The following NMD3 variants were observed in gnomAD, a reference collection of about 807,000 sequenced individuals.
NMD3 encodes NMD3 ribosome export adaptor.
NMD3 carries 47 observed loss-of-function variants against 73.1 expected under a neutral mutation model. That is an observed-to-expected ratio of 0.64 (90% CI 0.51 to 0.82). The LOEUF is 0.82. Ranked by LOEUF, NMD3 falls within the 40% of genes least tolerant of loss-of-function variation. NMD3 has a pLI of 0.00. For synonymous variants in NMD3, 210 were observed against 194.5 expected, an observed-to-expected ratio of 1.08 and a Z score of -0.66; for missense variants, 554 against 612.5, an observed-to-expected ratio of 0.90 and a Z score of 1.01.
intron 11 of NMD3, among the ~76,000 whole-genome samples, chr3:161,245,651 A>G (rs993494335): frequency 6.6e-6 from 1 of 151,638 alleles, no homozygotes; most frequent in African/African-American, 2.4e-5. Flanking sequence ...TTTTCTCTCG[A>G]TCTCACTTCA....
Position 161,222,036 on chromosome 3 carries a change from C to T in NMD3, c.23C>T (p.Thr8Ile), listed in dbSNP as rs747203842. 6.2e-7 allele frequency: 1 copy of T among 1,601,794 alleles called. No homozygotes were observed. Among genetic ancestry groups the T allele is most frequent in the Non-Finnish European group, 8.5e-7 (1 of 1,175,270 alleles). The change falls in exon 2 of 16, where the codon ACC (threonine) becomes ATC (isoleucine). Residue 8 changes from threonine to isoleucine, a missense_variant. Thr to Ile is a moderately conservative substitution (Grantham distance 89). Transcript: ENST00000351193. MEYMAES[T>I]DRSPGHILCC... ...ACGATGGAGTATATGGCAGAATCCA[C>T]CGACCGCAGCCCTGGACACATGTGA...
intron 8 of NMD3, 42 bp downstream of exon 8, chr3:161,238,233 G>T: frequency 8.3e-7 from 1 of 1,203,810 alleles, no homozygotes; most frequent in Non-Finnish European, 1.2e-6. Flanking sequence ...TAAGGACTTG[G>T]GAATGGATGC....
intron 7 of NMD3, among the ~76,000 whole-genome samples, chr3:161,237,783 C>T (rs1044186593): frequency 2.0e-5 from 3 of 152,132 alleles, no homozygotes; most frequent in Non-Finnish European, 2.9e-5. Context: ...CCAGCTCAGC[C>T]TCCCAAAGTG....
intron 2 of NMD3, 39 bp downstream of exon 2, chr3:161,222,096 A>G: frequency 6.4e-7 from 1 of 1,564,198 alleles, no homozygotes; most frequent in Non-Finnish European, 8.8e-7. Context: ...TAAATGTGAA[A>G]ATCTTCAGTG....
chr3:161,249,568 T>C lies in NMD3; in HGVS notation c.1310+8T>C. ...GGATACAGATGATGAAAGGTCTCGC[T>C]TTTCTTTAAATCTCTTATGTTGTCT... On this transcript the variant is annotated splice_region_variant and intron_variant, in intron 14 of 15. Coordinates refer to ENST00000351193, the MANE Select transcript of NMD3 (RefSeq NM_015938.5). 1.3e-6 allele frequency: 2 copies of C among 1,515,122 alleles called. No individual in the cohort carries two copies. The highest frequency in any genetic ancestry group is 1.8e-6 in the Non-Finnish European group (2 of 1,092,554). The allele number at this position is 1,515,122 out of a possible 1,614,324, so 93.9% of individuals were successfully genotyped here.
chr3:161,238,818 A>G lies in NMD3; in HGVS notation c.745A>G (p.Ile249Val), dbSNP rs773398692. ...CACTTTTTCTGTGGAAATTGTTCCA[A>G]TATGCAAGGTACTTTTCTTTTTCAT... Reference protein sequence around the residue: ...KSTFSVEIVPICKDNVVCLSP... With the variant: ...KSTFSVEIVPVCKDNVVCLSP... The change falls in exon 9 of 16, where the codon ATA becomes GTA. Residue 249 changes from isoleucine to valine, a missense_variant. Transcript: ENST00000351193. 5.4e-6 allele frequency: 8 copies of G among 1,472,776 alleles called. No homozygotes were observed. The highest frequency in any genetic ancestry group is 7.5e-6 in the Non-Finnish European group (8 of 1,061,664). The allele number at this position is 1,472,776 out of a possible 1,614,324, so 91.2% of individuals were successfully genotyped here.
chr3:161,240,526 A>ATTTTTTTTTTTTTT lies in NMD3; in HGVS notation c.754-517_754-504dup, dbSNP rs539406360. Among the ~76,000 whole-genome samples, 80 of 111,688 alleles carry ATTTTTTTTTTTTTT rather than the reference A, an allele frequency of 7.2e-4. 3 individuals are homozygous for ATTTTTTTTTTTTTT. Among genetic ancestry groups the ATTTTTTTTTTTTTT allele is most frequent in the African/African-American group, 1.8e-3 (47 of 26,380 alleles). The allele number at this position is 111,688 out of a possible 152,430, so 73.3% of individuals were successfully genotyped here. On this transcript the variant is annotated intron_variant, in intron 9 of 15. Transcript: ENST00000351193. ...AATAGCTTGGTGATTTGGGCCCTGG[A>ATTTTTTTTTTTTTT]TTTTTTTTTTTTTTTTGAGAGACAG...
rs147367614 is a variant in NMD3 at position 161,222,512 on chromosome 3, TGTA to T, written c.44+459_44+461del. 1.1e-4 allele frequency among the ~76,000 whole-genome samples: 17 copies of T among 152,278 alleles called. No homozygotes were observed. In the East Asian group the frequency reaches 2.3e-3, roughly 21 times the overall value. On this transcript the variant is annotated intron_variant, in intron 2 of 15. Coordinates refer to ENST00000351193, the MANE Select transcript of NMD3 (RefSeq NM_015938.5). ...TCCTGATTTTTATTGGAGATTATAA[TGTA>T]GTAATTTTTAAATTTTGAACATCTT...
chr3:161,239,073 G>A (rs996287276), intron 9 of NMD3, among the ~76,000 whole-genome samples: 12 of 152,004 alleles, frequency 7.9e-5, no homozygotes, highest in African/African-American at 2.7e-4. Context: ...GGTTATAGTT[G>A]ATAAAAGTCC....
intron 3 of NMD3, among the ~76,000 whole-genome samples, chr3:161,226,133 A>C (rs777782866): frequency 6.6e-6 from 1 of 151,994 alleles, no homozygotes; most frequent in South Asian, 2.1e-4. Flanking sequence ...TTATTAGGTG[A>C]TATGTGAAGC....
intron 9 of NMD3, 122 bp downstream of exon 9, chr3:161,238,948 T>G: frequency 1.9e-6 from 1 of 539,466 alleles, no homozygotes; most frequent in Non-Finnish European, 3.3e-6. Flanking sequence ...ATAAGTTCCT[T>G]AAGTGACTTC....
intron 7 of NMD3, among the ~76,000 whole-genome samples, chr3:161,236,732 A>G (rs1412395534): frequency 6.6e-6 from 1 of 152,078 alleles, no homozygotes; most frequent in Non-Finnish European, 1.5e-5. Context: ...TCTTGAGTTA[A>G]TTTTTGTGCA....
Position 161,246,397 on chromosome 3 carries a change from T to G in NMD3, c.1079T>G (p.Phe360Cys), listed in dbSNP as rs781751261. The change falls in exon 12 of 16, where the codon TTT becomes TGT. Residue 360 changes from phenylalanine (F) to cysteine (C), a missense_variant. Coordinates refer to ENST00000351193, the MANE Select transcript of NMD3 (RefSeq NM_015938.5). ...GAAATGAATACAGATAAACAGTATT[T>G]TTGTCGTACTCATTTGGGACATCTT... ...TSEMNTDKQYFCRTHLGHLLN... is the reference protein window; with the variant it reads ...TSEMNTDKQYCCRTHLGHLLN... The G allele has an allele frequency of 5.7e-5, 87 of 1,528,882 alleles. No homozygotes were observed. Among genetic ancestry groups the G allele is most frequent in the Non-Finnish European group, 7.6e-5 (85 of 1,120,754 alleles). The allele number at this position is 1,528,882 out of a possible 1,614,324, so 94.7% of individuals were successfully genotyped here.
At chr3:161,231,100 C>T (rs1319865338) in intron 4 of NMD3, among the ~76,000 whole-genome samples, 2 of 152,142 alleles carry the variant, frequency 1.3e-5, no homozygotes, top group East Asian at 1.9e-4. Context: ...ATAATTTAGC[C>T]TAGTGGCTAA....
At chr3:161,243,843 G>A (rs1229643852) in intron 11 of NMD3, among the ~76,000 whole-genome samples, 1 of 152,160 alleles carries the variant, frequency 6.6e-6, no homozygotes, top group African/African-American at 2.4e-5. Context: ...GTGATAGTCA[G>A]ATTCCTCCAT....
At position 161,227,307 on chromosome 3, in the gene NMD3, T is replaced by A. The variant is rs1218721847; in HGVS notation, c.240T>A (p.Ala80=). 1 of 1,612,832 alleles carries A rather than the reference T, an allele frequency of 6.2e-7. No individual in the cohort carries two copies. The highest frequency in any genetic ancestry group is 1.3e-5 in the African/African-American group (1 of 74,700). The change falls in exon 4 of 16, where the codon GCT becomes GCA. Residue 80 remains alanine (A), a synonymous_variant. Transcript: ENST00000351193. ...CTTTAGAATCCAGGGAACTTCTTGC[T>A]TTGTGCTTGAAAAAAATCAAAGCCC... ...QCALESRELL[A]LCLKKIKAPL...
rs147184791 is a variant in NMD3, at chr3:161,250,445, A to G, written c.1381+119A>G. The G allele has an allele frequency of 5.9e-3, 3,671 of 625,260 alleles. 24 individuals carry two copies. The highest frequency in any genetic ancestry group is 7.4e-3 in the Non-Finnish European group (2,690 of 362,018). 38.7% of individuals were successfully genotyped at this position (625,260 alleles called of 1,614,324 possible). A position where few individuals can be genotyped will look rare whatever the true frequency, so the allele number is the denominator to read the frequency against. On this transcript the variant is annotated intron_variant, in intron 15 of 15. Transcript: ENST00000351193. Reference sequence around the variant, plus strand: ...AATGTCTTTAATTGTTTTTTCAACTACTCTAGTCACACTTCTACAAAAAAA... The same window carrying G: ...AATGTCTTTAATTGTTTTTTCAACTGCTCTAGTCACACTTCTACAAAAAAA...
intron 4 of NMD3, among the ~76,000 whole-genome samples, chr3:161,227,682 C>T (rs1447896529): frequency 6.6e-6 from 1 of 151,752 alleles, no homozygotes; most frequent in Admixed American, 6.6e-5. Flanking sequence ...CTCCTGACCT[C>T]GTGATCTGCC....
intron 12 of NMD3, among the ~76,000 whole-genome samples, chr3:161,246,935 T>G (rs73875462): frequency 0.021 from 3,154 of 151,490 alleles, 76 homozygotes; most frequent in East Asian, 0.072. Flanking sequence ...AATGAGGTGT[T>G]TTTTTTTTGT....
Sources: allele counts gnomAD v4.1 joint callset (sites outside exome capture counted in the v4.1 genomes callset), GRCh38; gene constraint gnomAD v4.1.1; transcripts MANE v1.5; gene names NCBI Gene and HGNC (gene_info 2026-07-23, HGNC 2026-07-21).